Variants in GON4L observed in about 807,000 individuals in gnomAD.
GON4L encodes gon-4 like, also known as GON-4-like protein.
Under a neutral mutation model 211.8 loss-of-function variants are expected in GON4L, and 87 were observed. The ratio of observed to expected loss-of-function variants is 0.41; its 90% confidence interval spans 0.35 to 0.49. The LOEUF (loss-of-function observed/expected upper bound fraction) is 0.49. GON4L is among the 20% of genes least tolerant of loss of function. The probability of loss-of-function intolerance (pLI) is 0.15; values close to 1 mark genes in which losing one functional copy is unlikely to be tolerated. For synonymous variants in GON4L, 875 were observed against 962.6 expected (o/e 0.91, Z 1.68); for missense variants, 2,155 against 2,659.5 (o/e 0.81, Z 4.17).
Position 155,751,786 on chromosome 1 carries a change from C to G in GON4L, c.6557G>C (p.Gly2186Ala). The G allele has an allele frequency of 6.2e-7, 1 of 1,613,324 alleles. No homozygotes were observed. The highest frequency in any genetic ancestry group is 8.5e-7 in the Non-Finnish European group (1 of 1,179,434). The change falls in exon 31 of 32, where the codon GGA (glycine) becomes GCA (alanine). Residue 2186 changes from glycine to alanine, a missense_variant. Transcript: ENST00000368331. The stretch of plus-strand genomic sequence containing the variant: ...ACCTACCTCAGCAGGGGTCTTATTT[C>G]CCAGCTGCTGGGAGATGATGTTGAA... ...QTFNIISQQL[G>A]NKTPAEVSHR...
intron 6 of GON4L, 142 bp from the exon 7 acceptor site, chr1:155,816,404 T>C: frequency 1.7e-6 from 1 of 574,680 alleles, no homozygotes; most frequent in East Asian, 2.9e-5. Flanking sequence ...TCCCTGAGGG[T>C]ATACTCTCAA....
chr1:155,785,160 G>A, intron 13 of GON4L, 174 bp downstream of exon 13: 2 of 710,408 alleles, frequency 2.8e-6, no homozygotes, highest in Non-Finnish European at 5.2e-6. Flanking sequence ...ATAATCAAGA[G>A]TCTAGTAGTT....
intron 19 of GON4L, among the ~76,000 whole-genome samples, chr1:155,769,730 G>C (rs1156589155): frequency 6.6e-6 from 1 of 152,120 alleles, no homozygotes; most frequent in Non-Finnish European, 1.5e-5. Flanking sequence ...GCTGTGAAGA[G>C]TATTTATACA....
At chr1:155,762,574 G>A (rs540548574) in intron 22 of GON4L, among the ~76,000 whole-genome samples, 200 bp from the exon 23 acceptor site, 9 of 152,368 alleles carry the variant, frequency 5.9e-5, no homozygotes, top group Admixed American at 1.3e-4. Flanking sequence ...CCTTAATTGG[G>A]ATGACAACAA....
intron 10 of GON4L, among the ~76,000 whole-genome samples, chr1:155,813,027 C>T (rs948093170): frequency 5.9e-5 from 9 of 152,112 alleles, no homozygotes; most frequent in African/African-American, 2.2e-4. Flanking sequence ...AGGAAGAGAA[C>T]CATCAAGCAA....
chr1:155,817,769 A>C (rs1358620602), intron 6 of GON4L, among the ~76,000 whole-genome samples: 1 of 152,096 alleles, frequency 6.6e-6, no homozygotes, highest in Non-Finnish European at 1.5e-5. Flanking sequence ...GTTTCAAAAA[A>C]ACCAATTAGC....
chr1:155,797,202 C>T (rs1158416166), intron 11 of GON4L, among the ~76,000 whole-genome samples: 2 of 151,988 alleles, frequency 1.3e-5, no homozygotes, highest in African/African-American at 2.4e-5. Flanking sequence ...GCAACCTCCA[C>T]CTGCTGGGTT....
chr1:155,748,977 G>GGCAT, downstream of GON4L, among the ~76,000 whole-genome samples: 1 of 152,328 alleles, frequency 6.6e-6, no homozygotes, highest in East Asian at 1.9e-4. Flanking sequence ...TCTTGGGCTA[G>GGCAT]GCATGGTGGC....
intron 2 of GON4L, among the ~76,000 whole-genome samples, chr1:155,847,304 T>C (rs1671339303): frequency 2.0e-5 from 3 of 152,008 alleles, no homozygotes; most frequent in South Asian, 4.1e-4. Context: ...TGGTGGCTCA[T>C]GCCTGTAATC....
chr1:155,783,458 C>T (rs766404790), intron 14 of GON4L, among the ~76,000 whole-genome samples: 2 of 152,152 alleles, frequency 1.3e-5, no homozygotes, highest in Non-Finnish European at 2.9e-5. Flanking sequence ...AAATCCACCA[C>T]AAAATGAGGA....
intron 6 of GON4L, among the ~76,000 whole-genome samples, chr1:155,820,041 G>A (rs1049793949): frequency 6.6e-6 from 1 of 152,112 alleles, no homozygotes. Context: ...AGCCTCCCAA[G>A]CAGCTGGGAT....
intron 2 of GON4L, among the ~76,000 whole-genome samples, chr1:155,830,382 A>C (rs1488227703): frequency 6.6e-6 from 1 of 150,658 alleles, no homozygotes; most frequent in African/African-American, 2.4e-5. Flanking sequence ...GGTTCAAGAG[A>C]TTCTCCTGGC....
At chr1:155,796,910 T>C (rs1184396029) in intron 11 of GON4L, among the ~76,000 whole-genome samples, 1 of 152,096 alleles carries the variant, frequency 6.6e-6, no homozygotes. Context: ...TCTCTATGTA[T>C]TATAATGGAA....
At chr1:155,849,075 G>C (rs1316711854) in intron 2 of GON4L, among the ~76,000 whole-genome samples, 1 of 148,176 alleles carries the variant, frequency 6.7e-6, no homozygotes, top group Non-Finnish European at 1.5e-5. Context: ...TTGAACCCGG[G>C]AAGCAGAGGT....
chr1:155,822,504 A>C (rs1246888301), intron 3 of GON4L, 28 bp from the exon 4 acceptor site: 1 of 1,556,814 alleles, frequency 6.4e-7, no homozygotes, highest in African/African-American at 1.4e-5. Flanking sequence ...ACATCATCAG[A>C]ATTCCAAAAT....
Position 155,853,567 on chromosome 1 carries a change from C to T in GON4L, c.214G>A (p.Gly72Ser). The T allele has an allele frequency of 1.2e-6, 2 of 1,614,134 alleles. No homozygotes were observed. Among genetic ancestry groups the T allele is most frequent in the Non-Finnish European group, 1.7e-6 (2 of 1,180,004 alleles). ...GAGCTCAGAGATGTATCCTCCATAC[C>T]AAGCTGATTTCCTGCATCCTGCAAA... ...QSLQDAGNQL[G>S]MEDTSLSSGM... The change falls in exon 2 of 32, where the codon GGT becomes AGT. Residue 72 changes from glycine (G) to serine (S), a missense_variant. Gly to Ser is a moderately conservative substitution (Grantham distance 56). Coordinates refer to ENST00000368331, the MANE Select transcript of GON4L (RefSeq NM_001282860.2).
downstream of GON4L, chr1:155,747,959 G>T (rs770151266): frequency 1.9e-6 from 3 of 1,570,164 alleles, no homozygotes; most frequent in Non-Finnish European, 1.7e-6. Context: ...AATGCAAACT[G>T]GTTTTTTTCT....
intron 17 of GON4L, among the ~76,000 whole-genome samples, chr1:155,774,065 C>T (rs78675472): frequency 0.011 from 1,728 of 152,144 alleles, 32 homozygotes; most frequent in African/African-American, 0.04. Context: ...CAGAACAAAC[C>T]ACAACTAATT....
chr1:155,748,125 G>C, downstream of GON4L: 2 of 1,597,228 alleles, frequency 1.3e-6, no homozygotes, highest in South Asian at 2.2e-5. Context: ...CCTGCATTAT[G>C]ATGTAAGTCT....
Sources: gnomAD v4.1 joint callset for allele counts (sites outside exome capture counted in the v4.1 genomes callset) on GRCh38, gnomAD v4.1.1 for gene constraint, MANE v1.5 for transcripts, NCBI Gene and HGNC (gene_info 2026-07-23, HGNC 2026-07-21) for gene names.